MAF: variants seen among roughly 807,000 people sequenced by gnomAD.
MAF encodes the protein transcription factor Maf.
In MAF, 10 loss-of-function variants were observed where a neutral mutation model predicts 22.0. That is an observed-to-expected ratio of 0.45 (90% CI 0.28 to 0.77). The LOEUF is 0.77. MAF is among the 30% of genes least tolerant of loss of function. MAF has a pLI of 0.12. For missense variants in MAF, 544 were observed against 548.4 expected (o/e 0.99, Z 0.08); for synonymous variants, 337 against 255.8 (o/e 1.32, Z -3.03).
chr16:79,447,677 G>C, the MAF span, among the ~76,000 whole-genome samples: 1 of 152,020 alleles, frequency 6.6e-6, no homozygotes, highest in Non-Finnish European at 1.5e-5. Context: ...ACATTAATAG[G>C]AGTTTGTAAG....
chr16:79,459,443 T>C, the MAF span, among the ~76,000 whole-genome samples: 1 of 152,212 alleles, frequency 6.6e-6, no homozygotes, highest in Middle Eastern at 3.2e-3. Context: ...CTGGATTGTT[T>C]CTTTGTTCAA....
chr16:79,403,034 CCT>C, the MAF span, among the ~76,000 whole-genome samples: 19 of 152,238 alleles, frequency 1.2e-4, no homozygotes, highest in African/African-American at 4.6e-4. Flanking sequence ...TGAAATCCTG[CCT>C]CTCTCATAAT....
At chr16:79,216,784 G>T in the MAF span, among the ~76,000 whole-genome samples, 3 of 151,230 alleles carry the variant, frequency 2.0e-5, no homozygotes, top group East Asian at 3.9e-4. Flanking sequence ...TATGATTTAT[G>T]TAATAATGAT....
the MAF span, among the ~76,000 whole-genome samples, chr16:79,307,168 C>T: frequency 3.9e-5 from 6 of 152,186 alleles, no homozygotes; most frequent in African/African-American, 7.2e-5. Context: ...AAATCATTAA[C>T]GGGAGGTTTG....
At chr16:79,211,693 G>A in the MAF span, 606 of 1,614,208 alleles carry the variant, frequency 3.8e-4, 2 homozygotes, top group South Asian at 1.3e-3. Flanking sequence ...AACTGCTGCC[G>A]CTGCATGCCC....
At chr16:79,576,198 TG>T in the MAF span, among the ~76,000 whole-genome samples, 2 of 129,454 alleles carry the variant, frequency 1.5e-5, no homozygotes, top group Non-Finnish European at 3.1e-5. Context: ...AATGGTTTCA[TG>T]GGGAGAGATT....
the MAF span, among the ~76,000 whole-genome samples, chr16:79,244,860 A>G: frequency 1.3e-5 from 2 of 152,104 alleles, no homozygotes; most frequent in African/African-American, 2.4e-5. Flanking sequence ...TACTGGTACC[A>G]AAACAGACAT....
At chr16:79,465,697 C>T in the MAF span, among the ~76,000 whole-genome samples, 1 of 152,130 alleles carries the variant, frequency 6.6e-6, no homozygotes, top group African/African-American at 2.4e-5. Context: ...TACGTTTCAC[C>T]TTCACCATCA....
chr16:79,486,467 A>G, the MAF span, among the ~76,000 whole-genome samples: 1 of 152,210 alleles, frequency 6.6e-6, no homozygotes, highest in Non-Finnish European at 1.5e-5. Flanking sequence ...CATAAACATA[A>G]CAATATTTTA....
At chr16:79,215,033 C>G in the MAF span, among the ~76,000 whole-genome samples, 1 of 152,090 alleles carries the variant, frequency 6.6e-6, no homozygotes, top group African/African-American at 2.4e-5. Flanking sequence ...TCTAATATGA[C>G]TACAGTCTTG....
the MAF span, among the ~76,000 whole-genome samples, chr16:79,572,426 G>C: frequency 6.6e-6 from 1 of 152,172 alleles, no homozygotes; most frequent in Middle Eastern, 3.2e-3. Flanking sequence ...TCCTAGAACA[G>C]AGGAACCGCT....
At chr16:79,246,938 A>G in the MAF span, among the ~76,000 whole-genome samples, 1 of 152,170 alleles carries the variant, frequency 6.6e-6, no homozygotes, top group Non-Finnish European at 1.5e-5. Flanking sequence ...TTCTAATGGA[A>G]CTCCCATTCT....
the MAF span, among the ~76,000 whole-genome samples, chr16:79,472,754 T>C: frequency 6.6e-6 from 1 of 152,076 alleles, no homozygotes; most frequent in Non-Finnish European, 1.5e-5. Flanking sequence ...ACACTTTAAA[T>C]TGGTGAATTT....
At chr16:79,394,354 G>A in the MAF span, among the ~76,000 whole-genome samples, 1 of 152,146 alleles carries the variant, frequency 6.6e-6, no homozygotes, top group Non-Finnish European at 1.5e-5. Context: ...CTGTTTACAA[G>A]TGATTTCTGC....
chr16:79,377,285 C>G, the MAF span, among the ~76,000 whole-genome samples: 1 of 152,152 alleles, frequency 6.6e-6, no homozygotes, highest in African/African-American at 2.4e-5. Context: ...TGATGATGAT[C>G]AGCATTTTTT....
At chr16:79,541,346 C>G in the MAF span, among the ~76,000 whole-genome samples, 1 of 152,122 alleles carries the variant, frequency 6.6e-6, no homozygotes, top group Non-Finnish European at 1.5e-5. Context: ...TGCACCTGTT[C>G]GTGCAGAAAA....
the MAF span, among the ~76,000 whole-genome samples, chr16:79,314,550 G>A: frequency 6.6e-6 from 1 of 152,164 alleles, no homozygotes; most frequent in African/African-American, 2.4e-5. Context: ...CAGAGGAGGG[G>A]CTTCCTAAGG....
At chr16:79,363,934 A>G in the MAF span, among the ~76,000 whole-genome samples, 3 of 152,216 alleles carry the variant, frequency 2.0e-5, no homozygotes, top group African/African-American at 7.2e-5. Flanking sequence ...GACGGTGGAG[A>G]TGCTACCCAT....
At chr16:79,234,760 G>A in the MAF span, among the ~76,000 whole-genome samples, 2 of 152,104 alleles carry the variant, frequency 1.3e-5, no homozygotes, top group African/African-American at 2.4e-5. Context: ...AACACAGTGG[G>A]GAGTGGCTCC....
Sources: gnomAD v4.1 joint callset for allele counts (sites outside exome capture counted in the v4.1 genomes callset) on GRCh38, gnomAD v4.1.1 for gene constraint, MANE v1.5 for transcripts, NCBI Gene and HGNC (gene_info 2026-07-23, HGNC 2026-07-21) for gene names.